The following EFHB variants were observed in gnomAD, a reference collection of about 807,000 sequenced individuals.
The protein encoded by EFHB is EF-hand domain-containing family member B.
Under a neutral mutation model 87.2 loss-of-function variants are expected in EFHB, and 91 were observed. The ratio of observed to expected loss-of-function variants is 1.04; its 90% CI spans 0.88 to 1.24. The LOEUF (loss-of-function observed/expected upper bound fraction) is 1.24, where lower values mean the gene tolerates loss of function less well. EFHB is among the 50% of genes most tolerant of loss of function. EFHB has a pLI of 0.00. For synonymous variants in EFHB, 325 were observed against 333.6 expected, an observed-to-expected ratio of 0.97 and a Z score of 0.28; for missense variants, 1,084 against 998.8, an observed-to-expected ratio of 1.09 and a Z score of -1.15.
At chr3:19,935,475 G>A (rs1337625345), upstream of EFHB, among the ~76,000 whole-genome samples, 2 of 152,096 alleles carry the variant, frequency 1.3e-5, no homozygotes, top group Admixed American at 6.5e-5. Context: ...ACTTTGGGAG[G>A]CCGAGGCAGG....
rs532962161 is a variant in EFHB, at chr3:19,925,368, T to C, written c.790-4801A>G. Among the ~76,000 whole-genome samples the C allele has an allele frequency of 9.9e-5, 15 of 152,266 alleles. No individual in the cohort carries two copies. The South Asian group carries it at 3.1e-3, about 32-fold the overall frequency. On this transcript the variant is annotated intron_variant, in intron 1 of 12. Transcript: ENST00000295824. ...TGTGTGTAGTTAGAATCCATGGTCA[T>C]AGATATATAGATATATCATAAATGT...
chr3:19,888,504 A>C lies in EFHB; in HGVS notation c.1873T>G (p.Phe625Val). ...AGCATTTTGTCTTTCCAGTTAAGAA[A>C]ATTTGCGAATTCCAGATAGTTAATG... Reference protein sequence around the residue: ...GFINYLEFANFLNWKDKMLLK... With the variant: ...GFINYLEFANVLNWKDKMLLK... Residue 625 changes from phenylalanine to valine, a missense_variant, in exon 10 of 13, where the codon TTT becomes GTT. Coordinates refer to ENST00000295824, the MANE Select transcript of EFHB (RefSeq NM_144715.4). 1.3e-6 allele frequency: 2 copies of C among 1,576,016 alleles called. No homozygotes were observed. Among genetic ancestry groups the C allele is most frequent in the East Asian group, 2.3e-5 (1 of 43,802 alleles).
upstream of EFHB, among the ~76,000 whole-genome samples, chr3:19,934,914 AT>A (rs11353478): frequency 0.46 from 68,553 of 148,520 alleles, 16,319 homozygotes; most frequent in African/African-American, 0.6. Flanking sequence ...ATTTAAAGTA[AT>A]TTTTTTTTTT....
chr3:19,904,088 A>C (rs1694758896), intron 6 of EFHB, among the ~76,000 whole-genome samples: 2 of 152,218 alleles, frequency 1.3e-5, no homozygotes, highest in Non-Finnish European at 1.5e-5. Flanking sequence ...GGATACCTGC[A>C]GTAATGCTAA....
At chr3:19,888,754 A>G in intron 9 of EFHB, 103 bp from the exon 10 acceptor site, 1 of 980,628 alleles carries the variant, frequency 1.0e-6, no homozygotes, top group East Asian at 2.6e-5. Context: ...TCATCACATA[A>G]ATTCAAATTT....
intron 6 of EFHB, among the ~76,000 whole-genome samples, chr3:19,904,914 A>G (rs370847502): frequency 6.6e-6 from 1 of 152,178 alleles, no homozygotes; most frequent in Admixed American, 6.5e-5. Context: ...TTTTATGAGC[A>G]ATCTTCCAAA....
intron 1 of EFHB, among the ~76,000 whole-genome samples, chr3:19,939,243 C>G (rs929346964): frequency 6.6e-6 from 1 of 151,964 alleles, no homozygotes; most frequent in Non-Finnish European, 1.5e-5. Context: ...TGTTGTCCCC[C>G]TTGCTTGGAA....
At chr3:19,896,422 G>T in intron 9 of EFHB, 1 of 497,728 alleles carries the variant, frequency 2.0e-6, no homozygotes, top group East Asian at 4.0e-5. Context: ...CTTCTGTTAA[G>T]GGGCAAATAG....
intron 1 of EFHB, among the ~76,000 whole-genome samples, chr3:19,923,547 A>G (rs1394580343): frequency 6.6e-6 from 1 of 151,588 alleles, no homozygotes. Flanking sequence ...TAATTTTTGT[A>G]TTTTTTTTGT....
intron 4 of EFHB, among the ~76,000 whole-genome samples, chr3:19,917,124 A>G (rs779825643): frequency 2.0e-5 from 3 of 151,942 alleles, no homozygotes; most frequent in Non-Finnish European, 4.4e-5. Context: ...TAATCCCAGC[A>G]GTCTGGGAGG....
In EFHB at chr3:19,879,763, A is replaced by G. The variant is rs144937550; in HGVS notation, c.2370T>C (p.Asp790=). 508 of 1,608,690 alleles carry G rather than the reference A, an allele frequency of 3.2e-4. No homozygotes were observed. Among genetic ancestry groups the G allele is most frequent in the Non-Finnish European group, 3.9e-4 (457 of 1,178,694 alleles). ...GATTCCATACATTTTCAAATTCTTC[A>G]TCAGACAGTTTGACACCAATGTTAC... ...ILCNIGVKLS[D]EEFENVWNLA... The change falls in exon 13 of 13, where the codon GAT becomes GAC. Residue 790 remains aspartate (D), a synonymous_variant. Transcript: ENST00000295824.
At position 19,934,149 on chromosome 3, in the gene EFHB, C is replaced by G. The variant is rs938805263; in HGVS notation, c.-131G>C. 6.9e-7 allele frequency: 1 copy of G among 1,448,322 alleles called. No homozygotes were observed. Among genetic ancestry groups the G allele is most frequent in the African/African-American group, 1.4e-5 (1 of 70,100 alleles). The allele number at this position is 1,448,322 out of a possible 1,614,324, so 89.7% of individuals were successfully genotyped here. On this transcript the variant is annotated 5_prime_UTR_variant, in exon 1 of 13. Transcript: ENST00000295824. Reference sequence around the variant, plus strand: ...AGGAAAGAGCACAACCTCACTCGGACTCCCTGTCCATTGCTTCCTGCCTGC... The same window carrying G: ...AGGAAAGAGCACAACCTCACTCGGAGTCCCTGTCCATTGCTTCCTGCCTGC...
Position 19,882,685 on chromosome 3 carries a change from A to G in EFHB, c.2193T>C (p.Ala731=). 6.2e-7 allele frequency: 1 copy of G among 1,613,772 alleles called. No homozygotes were observed. The change falls in exon 12 of 13, where the codon GCT becomes GCC. Residue 731 remains alanine (A), a synonymous_variant. Coordinates refer to ENST00000295824, the MANE Select transcript of EFHB (RefSeq NM_144715.4). ...GVPTIRSDIP[A]PRIRRISDRT... is the part of the protein sequence containing the mutation. ...TGTCACTGATGCGACGAATTCGGGG[A>G]GCAGGAATGTCAGATCGAATGGTTG...
intron 5 of EFHB, among the ~76,000 whole-genome samples, chr3:19,910,539 G>A (rs1446584412): frequency 6.6e-6 from 1 of 152,194 alleles, no homozygotes; most frequent in Non-Finnish European, 1.5e-5. Context: ...CCACCCTGAA[G>A]GGAAGGACAC....
intron 5 of EFHB, among the ~76,000 whole-genome samples, chr3:19,908,568 G>GAA (rs60117540): frequency 0.16 from 13,529 of 83,824 alleles, 1,245 homozygotes; most frequent in Non-Finnish European, 0.2. Context: ...GAGAAAGAGA[G>GAA]AGAGAGAGAG....
At chr3:19,941,817 A>T (rs1355940198) in intron 1 of EFHB, among the ~76,000 whole-genome samples, 1 of 149,650 alleles carries the variant, frequency 6.7e-6, no homozygotes, top group African/African-American at 2.5e-5. Context: ...AGATTGCGCC[A>T]CTGCACTCCA....
intron 1 of EFHB, among the ~76,000 whole-genome samples, chr3:19,943,990 T>A (rs1217576918): frequency 6.6e-6 from 1 of 152,192 alleles, no homozygotes; most frequent in Non-Finnish European, 1.5e-5. Context: ...GGCTTAGAAG[T>A]CCCTTAGGTA....
intron 11 of EFHB, 150 bp from the exon 12 acceptor site, chr3:19,882,881 A>G: frequency 8.2e-6 from 3 of 367,336 alleles, no homozygotes; most frequent in Non-Finnish European, 1.2e-5. Flanking sequence ...CATTTTAGTA[A>G]AAAAAGGAAA....
At chr3:19,901,573 G>T (rs371318735) in intron 6 of EFHB, among the ~76,000 whole-genome samples, 14 of 152,018 alleles carry the variant, frequency 9.2e-5, no homozygotes, top group East Asian at 7.7e-4. Context: ...ATTTGTTGGC[G>T]GGGGGGAAGA....
Sources: allele counts gnomAD v4.1 joint callset (sites outside exome capture counted in the v4.1 genomes callset), GRCh38; gene constraint gnomAD v4.1.1; transcripts MANE v1.5; gene names NCBI Gene and HGNC (gene_info 2026-07-23, HGNC 2026-07-21).